TFG: variants seen among roughly 807,000 people sequenced by gnomAD.
The protein encoded by TFG is trafficking from ER to golgi regulator.
In TFG, 22 loss-of-function variants were observed where a neutral mutation model predicts 51.4. That is an observed-to-expected ratio of 0.43 (90% confidence interval 0.31 to 0.61). The LOEUF is 0.61. Ranked by LOEUF, TFG falls within the 20% of genes least tolerant of loss-of-function variation. The pLI is 0.12. For missense variants in TFG, 419 were observed against 487.7 expected, an observed-to-expected ratio of 0.86 and a Z score of 1.33; for synonymous variants, 187 against 165.6, an observed-to-expected ratio of 1.13 and a Z score of -0.99.
At chr3:100,717,113 C>T (rs896993839) in intron 2 of TFG, among the ~76,000 whole-genome samples, 3 of 152,150 alleles carry the variant, frequency 2.0e-5, no homozygotes, top group Non-Finnish European at 4.4e-5. Context: ...CTTTTCCCGA[C>T]CTATTAAAGA....
intron 3 of TFG, among the ~76,000 whole-genome samples, chr3:100,723,058 A>G (rs115191986): frequency 0.012 from 1,815 of 152,326 alleles, 31 homozygotes; most frequent in African/African-American, 0.041. Context: ...GGAAGCACCA[A>G]TGAAATTTAT....
chr3:100,719,130 A>G (rs1322913426), intron 2 of TFG, among the ~76,000 whole-genome samples: 1 of 152,214 alleles, frequency 6.6e-6, no homozygotes, highest in Non-Finnish European at 1.5e-5. Flanking sequence ...CAGTTTTGTC[A>G]TCTTTGCCCA....
In TFG at chr3:100,713,631, C is replaced by T; in HGVS notation, c.-43-12C>T. ...TGTTTTGTTGTTTAATTATCAAAAC[C>T]ACTTTTATCAGTCTTTCTCTAGAGT... On this transcript the variant is annotated splice_polypyrimidine_tract_variant and intron_variant, in intron 1 of 7. Transcript: ENST00000240851. 1 of 1,300,126 alleles carries T rather than the reference C, an allele frequency of 7.7e-7. No individual in the cohort carries two copies. The highest frequency in any genetic ancestry group is 1.0e-6 in the Non-Finnish European group (1 of 978,458). The allele number at this position is 1,300,126 out of a possible 1,614,324, so 80.5% of individuals were successfully genotyped here. A position where few individuals can be genotyped will look rare whatever the true frequency, so the allele number is the denominator to read the frequency against.
chr3:100,721,302 G>T (rs752977830), intron 3 of TFG, among the ~76,000 whole-genome samples: 9 of 151,940 alleles, frequency 5.9e-5, no homozygotes, highest in Admixed American at 1.3e-4. Context: ...GGAACTAAAG[G>T]CCTGATGTAC....
chr3:100,711,093 A>T (rs2095029755), intron 1 of TFG: 1 of 146,708 alleles, frequency 6.8e-6, no homozygotes, highest in Non-Finnish European at 1.5e-5. Context: ...TAGAAAGTAT[A>T]CGTGACTCAA....
chr3:100,745,556 GATAA>G (rs1380130776), intron 7 of TFG, among the ~76,000 whole-genome samples: 7 of 152,108 alleles, frequency 4.6e-5, no homozygotes, highest in Non-Finnish European at 2.9e-5. Flanking sequence ...ATTTAAGTAT[GATAA>G]ATATTATTAA....
intron 6 of TFG, among the ~76,000 whole-genome samples, chr3:100,737,922 T>C (rs929544707): frequency 1.3e-5 from 2 of 152,132 alleles, no homozygotes; most frequent in Non-Finnish European, 2.9e-5. Context: ...AGCCAGGTGC[T>C]ATGGCATGTG....
At chr3:100,730,181 G>A (rs376577330) in intron 4 of TFG, among the ~76,000 whole-genome samples, 63 of 152,294 alleles carry the variant, frequency 4.1e-4, no homozygotes, top group African/African-American at 1.4e-3. Context: ...ATTAAGAAGT[G>A]TAGATGAGAA....
chr3:100,734,598 A>T (rs532210696), intron 5 of TFG, among the ~76,000 whole-genome samples: 1 of 152,228 alleles, frequency 6.6e-6, no homozygotes, highest in African/African-American at 2.4e-5. Flanking sequence ...CAGTTATTTC[A>T]AATAGTTTCT....
intron 5 of TFG, among the ~76,000 whole-genome samples, chr3:100,735,097 T>G (rs994168643): frequency 6.6e-6 from 1 of 152,168 alleles, no homozygotes; most frequent in Admixed American, 6.5e-5. Context: ...TAACAGTGTC[T>G]TTTGTGGGAA....
chr3:100,736,453 G>A (rs983911245), intron 5 of TFG, 123 bp from the exon 6 acceptor site: 32 of 1,021,030 alleles, frequency 3.1e-5, no homozygotes, highest in South Asian at 1.9e-4. Context: ...GTAAAAAGGC[G>A]TATTTGTGGT....
chr3:100,739,233 A>G (rs540313858), intron 6 of TFG, among the ~76,000 whole-genome samples: 4 of 152,306 alleles, frequency 2.6e-5, no homozygotes, highest in South Asian at 2.1e-4. Context: ...TAACATAGCA[A>G]TCTCTTACAA....
At chr3:100,735,348 T>G (rs914242931) in intron 5 of TFG, among the ~76,000 whole-genome samples, 3 of 152,250 alleles carry the variant, frequency 2.0e-5, no homozygotes, top group African/African-American at 7.2e-5. Flanking sequence ...AGTCTGCTGA[T>G]AATAGCAAGT....
chr3:100,730,532 G>A (rs1187198789), intron 4 of TFG, among the ~76,000 whole-genome samples: 1 of 152,060 alleles, frequency 6.6e-6, no homozygotes, highest in African/African-American at 2.4e-5. Context: ...TATATTTTTA[G>A]AGATAGTTCT....
At chr3:100,737,562 G>T (rs9809520) in intron 6 of TFG, among the ~76,000 whole-genome samples, 18 of 152,152 alleles carry the variant, frequency 1.2e-4, no homozygotes, top group Non-Finnish European at 2.5e-4. Context: ...CTTTAAAGCC[G>T]CATTCCACTT....
At chr3:100,745,440 G>T (rs772617560) in intron 7 of TFG, among the ~76,000 whole-genome samples, 1 of 152,056 alleles carries the variant, frequency 6.6e-6, no homozygotes, top group African/African-American at 2.4e-5. Context: ...AAATAAAATC[G>T]TATAAAATGT....
At chr3:100,711,557 G>A (rs758565539) in intron 1 of TFG, among the ~76,000 whole-genome samples, 35 of 152,182 alleles carry the variant, frequency 2.3e-4, no homozygotes, top group Non-Finnish European at 1.2e-4. Flanking sequence ...AGTGTGAGGG[G>A]TCGGATGTAA....
At chr3:100,716,792 T>C (rs2095047747) in intron 2 of TFG, among the ~76,000 whole-genome samples, 1 of 152,104 alleles carries the variant, frequency 6.6e-6, no homozygotes. Flanking sequence ...CCCTGATGAT[T>C]TGTGATTTTG....
intron 5 of TFG, among the ~76,000 whole-genome samples, chr3:100,733,963 TA>T (rs759843478): frequency 1.3e-5 from 2 of 152,114 alleles, no homozygotes; most frequent in Non-Finnish European, 2.9e-5. Flanking sequence ...TTGAAATAAT[TA>T]TTGTTGGCTA....
Sources: gnomAD v4.1 joint callset for allele counts (sites outside exome capture counted in the v4.1 genomes callset) on GRCh38, gnomAD v4.1.1 for gene constraint, MANE v1.5 for transcripts, NCBI Gene and HGNC (gene_info 2026-07-23, HGNC 2026-07-21) for gene names.